CAMTA1: variants seen among roughly 807,000 people sequenced by gnomAD.
CAMTA1 encodes the protein calmodulin-binding transcription activator 1.
A neutral mutation model predicts 170.9 loss-of-function variants in CAMTA1; 27 were observed. The observed-to-expected ratio is 0.16, with a 90% confidence interval of 0.12 to 0.22. The LOEUF (loss-of-function observed/expected upper bound fraction) is 0.22. Ranked by LOEUF, CAMTA1 falls within the 10% of genes least tolerant of loss-of-function variation. The probability of loss-of-function intolerance (pLI) is 1.00; values close to 1 mark genes in which losing one functional copy is unlikely to be tolerated. For synonymous variants in CAMTA1, 833 were observed against 891.5 expected (o/e 0.93, Z 1.17); for missense variants, 1,619 against 2,217.2 (o/e 0.73, Z 5.42).
chr1:7,229,247 T>C (rs923671747), intron 4 of CAMTA1, among the ~76,000 whole-genome samples: 1 of 151,270 alleles, frequency 6.6e-6, no homozygotes, highest in Admixed American at 6.6e-5. Flanking sequence ...GCCCTGGCAC[T>C]GTGGGCCATT....
rs117050018 is a variant in CAMTA1 at position 6,850,149 on chromosome 1, G to A, written c.234+24939G>A. ...AATAGTAAAAATATTAGGAGAAAAC[G>A]TGGGTCAATACTTACTTTGTGTTCA... is the stretch of plus-strand genomic sequence containing the variant. On this transcript the variant is annotated intron_variant, in intron 3 of 22. Coordinates refer to ENST00000303635, the MANE Select transcript of CAMTA1 (RefSeq NM_015215.4). 1.3e-4 allele frequency among the ~76,000 whole-genome samples: 19 copies of A among 151,932 alleles called. No homozygotes were observed. In the East Asian group the frequency reaches 3.5e-3, roughly 28 times the overall value.
intron 3 of CAMTA1, among the ~76,000 whole-genome samples, chr1:6,836,980 T>A (rs1653466155): frequency 1.3e-5 from 2 of 149,804 alleles, no homozygotes; most frequent in South Asian, 4.2e-4. Context: ...CTCTGTTGCA[T>A]AGGCTGGAGT....
At chr1:7,147,070 C>T (rs773371769) in intron 4 of CAMTA1, among the ~76,000 whole-genome samples, 2 of 151,614 alleles carry the variant, frequency 1.3e-5, no homozygotes, top group Non-Finnish European at 2.9e-5. Context: ...ATATCACACA[C>T]ATGCACACAA....
At chr1:7,475,339 C>CG (rs551062511) in intron 6 of CAMTA1, among the ~76,000 whole-genome samples, 3 of 151,898 alleles carry the variant, frequency 2.0e-5, no homozygotes, top group Non-Finnish European at 4.4e-5. Context: ...TGAGGCTTGG[C>CG]GGGGGGGATT....
chr1:7,576,878 G>A (rs1049168443), intron 6 of CAMTA1, among the ~76,000 whole-genome samples: 6 of 152,186 alleles, frequency 3.9e-5, no homozygotes, highest in South Asian at 2.1e-4. Flanking sequence ...GTAGGAGGAC[G>A]GGGGATTGGC....
chr1:7,496,802 C>A (rs2093834512), intron 6 of CAMTA1, among the ~76,000 whole-genome samples: 1 of 152,020 alleles, frequency 6.6e-6, no homozygotes, highest in Non-Finnish European at 1.5e-5. Flanking sequence ...ACCCTGGCCC[C>A]AGGCACGGCC....
intron 6 of CAMTA1, among the ~76,000 whole-genome samples, chr1:7,475,620 A>G (rs974818943): frequency 1.3e-5 from 2 of 152,148 alleles, no homozygotes; most frequent in African/African-American, 4.8e-5. Context: ...GTGCCCCTAT[A>G]CACGCTCACC....
intron 3 of CAMTA1, among the ~76,000 whole-genome samples, chr1:6,860,193 T>C (rs1338190169): frequency 6.6e-6 from 1 of 152,226 alleles, no homozygotes; most frequent in African/African-American, 2.4e-5. Context: ...CTATGAGTCA[T>C]GCTCCCAAAC....
At chr1:7,090,710 C>T (rs990682960) in intron 3 of CAMTA1, among the ~76,000 whole-genome samples, 2 of 152,256 alleles carry the variant, frequency 1.3e-5, no homozygotes, top group African/African-American at 4.8e-5. Context: ...ACTCTGCTGA[C>T]GTTGCTCTTC....
intron 9 of CAMTA1, among the ~76,000 whole-genome samples, chr1:7,667,262 C>T (rs1410075354): frequency 6.6e-6 from 1 of 152,112 alleles, no homozygotes. Flanking sequence ...CCCCACCCCA[C>T]CCCATGAAGG....
chr1:7,583,622 C>G (rs2150412788), intron 6 of CAMTA1, among the ~76,000 whole-genome samples: 1 of 152,258 alleles, frequency 6.6e-6, no homozygotes, highest in South Asian at 2.1e-4. Flanking sequence ...GGACAAAAGC[C>G]ACATCCCAGA....
intron 11 of CAMTA1, among the ~76,000 whole-genome samples, chr1:7,710,226 T>C (rs2096559136): frequency 6.6e-6 from 1 of 152,224 alleles, no homozygotes; most frequent in African/African-American, 2.4e-5. Flanking sequence ...AGTTTATTGC[T>C]ACTGTCATTT....
intron 3 of CAMTA1, among the ~76,000 whole-genome samples, chr1:6,855,602 A>T (rs1557704095): frequency 1.3e-5 from 2 of 152,140 alleles, no homozygotes; most frequent in South Asian, 4.1e-4. Context: ...GTCACCTCCC[A>T]CCAGGCCCCA....
chr1:7,560,432 A>G (rs1010488891), intron 6 of CAMTA1, among the ~76,000 whole-genome samples: 2 of 152,188 alleles, frequency 1.3e-5, no homozygotes, highest in African/African-American at 2.4e-5. Flanking sequence ...GGAGCCGGGA[A>G]CATGAGATGT....
At chr1:7,700,481 G>C (rs1289633102) in intron 11 of CAMTA1, among the ~76,000 whole-genome samples, 5 of 152,202 alleles carry the variant, frequency 3.3e-5, no homozygotes, top group Admixed American at 3.3e-4. Context: ...TATCAGACAG[G>C]AGAGGTTAGA....
intron 4 of CAMTA1, among the ~76,000 whole-genome samples, chr1:7,236,776 C>T (rs1663949852): frequency 1.3e-5 from 2 of 152,192 alleles, no homozygotes; most frequent in South Asian, 2.1e-4. Flanking sequence ...ACATTTTAGT[C>T]CAGGCCACGT....
At chr1:7,111,844 T>C (rs11120847) in intron 4 of CAMTA1, among the ~76,000 whole-genome samples, 53,065 of 145,632 alleles carry the variant, frequency 0.36, 9,861 homozygotes, top group Middle Eastern at 0.49. Flanking sequence ...GAGATTGCAT[T>C]ACTGCACTCC....
intron 3 of CAMTA1, among the ~76,000 whole-genome samples, chr1:6,871,392 A>G (rs1668369832): frequency 1.3e-5 from 2 of 152,288 alleles, no homozygotes; most frequent in Admixed American, 1.3e-4. Flanking sequence ...CAAAAACTCA[A>G]TTTTGGAACT....
At chr1:6,964,453 C>T (rs1572078319) in intron 3 of CAMTA1, among the ~76,000 whole-genome samples, 2 of 152,292 alleles carry the variant, frequency 1.3e-5, no homozygotes, top group Non-Finnish European at 2.9e-5. Flanking sequence ...CTTGGAAGAA[C>T]TGTGCCTAGG....
Sources: gnomAD v4.1 joint callset for allele counts (sites outside exome capture counted in the v4.1 genomes callset) on GRCh38, gnomAD v4.1.1 for gene constraint, MANE v1.5 for transcripts, NCBI Gene and HGNC (gene_info 2026-07-23, HGNC 2026-07-21) for gene names.